Variants in USP43 observed in about 807,000 individuals in gnomAD.
The protein encoded by USP43 is ubiquitin carboxyl-terminal hydrolase 43.
USP43 carries 33 observed loss-of-function variants against 90.7 expected under a neutral mutation model. The observed-to-expected ratio is 0.36, with a 90% confidence interval of 0.28 to 0.49. The LOEUF (loss-of-function observed/expected upper bound fraction) is 0.49. USP43 is among the 20% of genes least tolerant of loss of function. USP43 has a pLI of 0.98. For missense variants in USP43, 1,274 were observed against 1,476.4 expected (o/e 0.86, Z 2.25); for synonymous variants, 598 against 615.8 (o/e 0.97, Z 0.43).
chr17:9,728,106 G>A lies in USP43; in HGVS notation c.2488G>A (p.Val830Ile), dbSNP rs1165090110. ...GSKEKPPGAS[V>I]ELVEYLESRR... Reference sequence around the variant, plus strand: ...CAAGGAGAAACCACCAGGTGCCTCCGTCGAGTTGGTGGAGTACTTGGAATC... The same window carrying A: ...CAAGGAGAAACCACCAGGTGCCTCCATCGAGTTGGTGGAGTACTTGGAATC... The change falls in exon 15 of 15, where the codon GTC becomes ATC. Residue 830 changes from valine to isoleucine, a missense_variant. This residue lies in a region of USP43 where 285 missense variants were observed against 349.6 expected (regional missense o/e 0.82). Transcript: ENST00000285199. This position sits in a 1 kb window ranked among gnomAD's most constrained non-coding sequence, Gnocchi z 6.2. The A allele has an allele frequency of 1.1e-5, 18 of 1,613,844 alleles. No homozygotes were observed. Among genetic ancestry groups the A allele is most frequent in the South Asian group, 4.4e-5 (4 of 91,072 alleles).
chr17:9,712,865 G>A (rs1228726465), intron 14 of USP43, among the ~76,000 whole-genome samples: 2 of 152,068 alleles, frequency 1.3e-5, no homozygotes, highest in Non-Finnish European at 2.9e-5. Flanking sequence ...CATAATAATT[G>A]TACATATATT....
chr17:9,674,581 G>A lies in USP43; in HGVS notation c.741-310G>A, dbSNP rs555221778. ...CGTGCTGTTTTCAAGGTTCATCCAC[G>A]TTGTAGTATGGACCAGGGGTTCATT... On this transcript the variant is annotated intron_variant, in intron 3 of 14. Coordinates refer to ENST00000285199, the MANE Select transcript of USP43 (RefSeq NM_153210.5). The surrounding 1 kb of genome is among the most constrained non-coding windows in gnomAD (Gnocchi z 4.4). Among the ~76,000 whole-genome samples the A allele has an allele frequency of 2.0e-5, 3 of 152,280 alleles. No individual in the cohort carries two copies. The highest frequency in any genetic ancestry group is 2.1e-4 in the South Asian group (1 of 4,822).
chr17:9,701,400 C>A lies in USP43; in HGVS notation c.1711C>A (p.Gln571Lys). 6.2e-7 allele frequency: 1 copy of A among 1,603,660 alleles called. No homozygotes were observed. The highest frequency in any genetic ancestry group is 1.1e-5 in the South Asian group (1 of 88,716). ...WKCPHCQVLQ[Q>K]GMVKLSLWTL... ...GTGTCCTCACTGCCAAGTCCTGCAG[C>A]AGGGGATGGTGAAGCTGAGTTTGTG... Residue 571 changes from glutamine to lysine, a missense_variant, in exon 12 of 15, where the codon CAG (glutamine) becomes AAG (lysine). Around this residue, in one of 6 missense-constraint regions of USP43, gnomAD observed 12 missense variants for 40.8 expected, o/e 0.29. Coordinates refer to ENST00000285199, the MANE Select transcript of USP43 (RefSeq NM_153210.5). This position sits in a 1 kb window ranked among gnomAD's most constrained non-coding sequence, Gnocchi z 7.2.
At chr17:9,656,337 C>T in intron 1 of USP43, 66 bp from the exon 2 acceptor site, 1 of 1,561,044 alleles carries the variant, frequency 6.4e-7, no homozygotes, top group Admixed American at 1.9e-5. Context: ...ACCTGGTGCT[C>T]ACAGAGCCTT....
intron 12 of USP43, among the ~76,000 whole-genome samples, chr17:9,702,273 A>T (rs1435092287): frequency 6.6e-6 from 1 of 152,108 alleles, no homozygotes; most frequent in Non-Finnish European, 1.5e-5. Flanking sequence ...GGAGGCTGAG[A>T]TAGGAGGCTG....
At chr17:9,678,694 A>G (rs1270538600) in intron 5 of USP43, among the ~76,000 whole-genome samples, 1 of 150,986 alleles carries the variant, frequency 6.6e-6, no homozygotes, top group Non-Finnish European at 1.5e-5. Context: ...TATGCTATTT[A>G]CCCTGTTTTC....
chr17:9,671,062 A>G (rs1484577442), intron 3 of USP43, among the ~76,000 whole-genome samples: 1 of 151,994 alleles, frequency 6.6e-6, no homozygotes, highest in African/African-American at 2.4e-5. Context: ...ATTATGGGTT[A>G]ATTCAGAGGC....
chr17:9,683,904 G>T (rs961070638), intron 7 of USP43, among the ~76,000 whole-genome samples: 1 of 152,128 alleles, frequency 6.6e-6, no homozygotes, highest in Non-Finnish European at 1.5e-5. Context: ...AAAGATGGCC[G>T]AGGTGGGTGG....
chr17:9,659,760 C>T (rs1182023787), intron 2 of USP43, among the ~76,000 whole-genome samples: 4 of 152,024 alleles, frequency 2.6e-5, no homozygotes, highest in Non-Finnish European at 5.9e-5. Context: ...TGCCCCAAGT[C>T]ACACAGTTAT....
intron 14 of USP43, among the ~76,000 whole-genome samples, chr17:9,724,377 G>A (rs144413115): frequency 3.5e-4 from 53 of 152,186 alleles, no homozygotes; most frequent in African/African-American, 1.1e-3. Context: ...AATTGTACTC[G>A]GCTCAAGAAA....
intron 14 of USP43, among the ~76,000 whole-genome samples, chr17:9,724,156 A>C (rs1166458204): frequency 6.6e-6 from 1 of 152,138 alleles, no homozygotes; most frequent in Non-Finnish European, 1.5e-5. Flanking sequence ...TGAAAAGGGC[A>C]GCAGCTTTGG....
At chr17:9,698,206 C>A (rs1324989551) in intron 9 of USP43, among the ~76,000 whole-genome samples, 1 of 152,074 alleles carries the variant, frequency 6.6e-6, no homozygotes, top group African/African-American at 2.4e-5. Flanking sequence ...GACTTAAGTT[C>A]CTTATATATT....
intron 14 of USP43, among the ~76,000 whole-genome samples, chr17:9,719,708 C>T (rs1198947743): frequency 6.6e-6 from 1 of 152,206 alleles, no homozygotes; most frequent in Non-Finnish European, 1.5e-5. Context: ...AGCTTTCCCT[C>T]TTGGAGTTTG....
intron 4 of USP43, 131 bp from the exon 5 acceptor site, chr17:9,676,615 A>C: frequency 8.5e-7 from 1 of 1,170,434 alleles, no homozygotes; most frequent in South Asian, 1.8e-5. Flanking sequence ...CAGGTGATCC[A>C]CCTGCTTCAG....
chr17:9,659,939 T>G (rs1481914008), intron 2 of USP43, among the ~76,000 whole-genome samples: 1 of 152,162 alleles, frequency 6.6e-6, no homozygotes, highest in East Asian at 1.9e-4. Flanking sequence ...AGTAGGCATC[T>G]AGACTAGGCA....
At chr17:9,721,928 A>G (rs1171546587) in intron 14 of USP43, among the ~76,000 whole-genome samples, 2 of 148,682 alleles carry the variant, frequency 1.3e-5, no homozygotes, top group African/African-American at 2.5e-5. Context: ...TTTAGTACAG[A>G]TAGGGTTTCA....
chr17:9,660,358 C>T (rs1437622941), intron 2 of USP43, among the ~76,000 whole-genome samples: 1 of 152,130 alleles, frequency 6.6e-6, no homozygotes, highest in Admixed American at 6.5e-5. Context: ...GCTATGTTGG[C>T]CAGGCTGGCC....
chr17:9,680,154 A>C (rs1009039622), intron 5 of USP43, 77 bp from the exon 6 acceptor site: 1 of 1,536,522 alleles, frequency 6.5e-7, no homozygotes, highest in African/African-American at 1.4e-5. Flanking sequence ...GGTGTTGACT[A>C]TCAGTCACTT....
chr17:9,688,035 G>C (rs1220309177), intron 8 of USP43, among the ~76,000 whole-genome samples: 3 of 152,228 alleles, frequency 2.0e-5, no homozygotes, highest in African/African-American at 7.2e-5. Context: ...GCCCAGGCTG[G>C]AGTGCAGTGG....
Sources: allele counts gnomAD v4.1 joint callset (sites outside exome capture counted in the v4.1 genomes callset), GRCh38; gene constraint gnomAD v4.1.1; regional missense constraint gnomAD v4.1.1; non-coding constraint Gnocchi (gnomAD v3.1); transcripts MANE v1.5; gene names NCBI Gene and HGNC (gene_info 2026-07-23, HGNC 2026-07-21).